CNTN5: variants seen among roughly 807,000 people sequenced by gnomAD.
The protein encoded by CNTN5 is contactin-5.
In CNTN5, 77 loss-of-function variants were observed where a neutral mutation model predicts 129.1. The ratio of observed to expected loss-of-function variants is 0.60; its 90% CI spans 0.50 to 0.72. The LOEUF is 0.72. CNTN5 is among the 30% of genes least tolerant of loss of function. The pLI is 0.00. For synonymous variants in CNTN5, 509 were observed against 465.6 expected (o/e 1.09, Z -1.20); for missense variants, 1,478 against 1,328.8 (o/e 1.11, Z -1.75).
intron 3 of CNTN5, among the ~76,000 whole-genome samples, chr11:99,768,863 A>G (rs1452892915): frequency 6.6e-6 from 1 of 152,120 alleles, no homozygotes; most frequent in East Asian, 1.9e-4. Flanking sequence ...GAAACTATGT[A>G]AATATTATGC....
intron 9 of CNTN5, among the ~76,000 whole-genome samples, chr11:100,053,047 A>T (rs1943035766): frequency 6.6e-6 from 1 of 151,714 alleles, no homozygotes; most frequent in African/African-American, 2.4e-5. Context: ...ATAAACAGCA[A>T]ATAAACTTAA....
intron 9 of CNTN5, among the ~76,000 whole-genome samples, chr11:100,042,448 A>G (rs1565819548): frequency 6.6e-6 from 1 of 152,126 alleles, no homozygotes; most frequent in Non-Finnish European, 1.5e-5. Flanking sequence ...TTCATATCTC[A>G]CTTGTGACTT....
intron 2 of CNTN5, among the ~76,000 whole-genome samples, chr11:99,475,465 C>T (rs376175115): frequency 6.6e-6 from 1 of 152,108 alleles, no homozygotes; most frequent in Non-Finnish European, 1.5e-5. Context: ...TATCTGAAAA[C>T]AGTCATTTAT....
At chr11:100,327,236 T>A (rs1951807645) in intron 21 of CNTN5, among the ~76,000 whole-genome samples, 1 of 152,204 alleles carries the variant, frequency 6.6e-6, no homozygotes, top group Non-Finnish European at 1.5e-5. Flanking sequence ...ATAGGACATT[T>A]TTGGTTTTTA....
chr11:99,122,741 TC>T (rs980139427), intron 1 of CNTN5, among the ~76,000 whole-genome samples: 14 of 152,026 alleles, frequency 9.2e-5, no homozygotes, highest in Non-Finnish European at 1.8e-4. Flanking sequence ...TGTCTTTTGT[TC>T]CCCTCTTTGT....
rs1174310738 is a variant in CNTN5 at position 100,287,045 on chromosome 11, A to T, written c.2315-10580A>T. Among the ~76,000 whole-genome samples, 8 of 152,142 alleles carry T rather than the reference A, an allele frequency of 5.3e-5. No individual in the cohort carries two copies. In the East Asian group the frequency reaches 1.5e-3, roughly 29 times the overall value. ...AATGAATGAAATGAAGCGAGAAGGG[A>T]AGTTTAGAGAAAAAAGAATAAAAAG... On this transcript the variant is annotated intron_variant, in intron 18 of 24. Coordinates refer to ENST00000524871, the MANE Select transcript of CNTN5 (RefSeq NM_014361.4).
intron 3 of CNTN5, among the ~76,000 whole-genome samples, chr11:99,631,215 C>G (rs1343414202): frequency 6.6e-6 from 1 of 151,996 alleles, no homozygotes; most frequent in African/African-American, 2.4e-5. Context: ...TACTAAATTT[C>G]TAGAAACATA....
intron 1 of CNTN5, among the ~76,000 whole-genome samples, chr11:99,068,650 G>T (rs184689540): frequency 1.6e-3 from 249 of 152,238 alleles, no homozygotes; most frequent in Non-Finnish European, 2.6e-3. Flanking sequence ...GAGCCCCAGA[G>T]AAATTTTACT....
intron 17 of CNTN5, among the ~76,000 whole-genome samples, 163 bp downstream of exon 17, chr11:100,256,081 G>A (rs529773445): frequency 1.3e-5 from 2 of 152,242 alleles, no homozygotes; most frequent in East Asian, 1.9e-4. Flanking sequence ...CCTGAGAAGA[G>A]CAAGGTACCT....
rs75787428 is a variant in CNTN5 at position 99,629,525 on chromosome 11, A to G, written c.55+73256A>G. ...TTGTTCCTAGTCTATACAGTTAAATAAGTATTAGCATATTAAGGGGATAAG... is the reference window on the plus strand; with the variant it reads ...TTGTTCCTAGTCTATACAGTTAAATGAGTATTAGCATATTAAGGGGATAAG... On this transcript the variant is annotated intron_variant, in intron 3 of 24. Coordinates refer to ENST00000524871, the MANE Select transcript of CNTN5 (RefSeq NM_014361.4). 6.0e-3 allele frequency among the ~76,000 whole-genome samples: 916 copies of G among 152,118 alleles called. 26 individuals carry two copies. In the East Asian group the frequency reaches 0.094, roughly 16 times the overall value.
intron 9 of CNTN5, among the ~76,000 whole-genome samples, chr11:100,032,784 T>G (rs1030434950): frequency 1.3e-5 from 2 of 152,072 alleles, no homozygotes; most frequent in African/African-American, 2.4e-5. Flanking sequence ...TACATAGTCT[T>G]TGAGTATAAA....
chr11:99,359,198 A>G (rs1017660631), intron 2 of CNTN5, among the ~76,000 whole-genome samples: 3 of 152,234 alleles, frequency 2.0e-5, no homozygotes, highest in African/African-American at 7.2e-5. Flanking sequence ...AATATTGATT[A>G]CACAATATTT....
At chr11:99,590,636 G>A (rs118066377) in intron 3 of CNTN5, among the ~76,000 whole-genome samples, 6,226 of 152,272 alleles carry the variant, frequency 0.041, 167 homozygotes, top group South Asian at 0.087. Context: ...CAGAGTCATG[G>A]CAAGAACATT....
intron 9 of CNTN5, among the ~76,000 whole-genome samples, chr11:100,056,736 T>C (rs1389752078): frequency 6.6e-6 from 1 of 151,468 alleles, no homozygotes; most frequent in African/African-American, 2.4e-5. Flanking sequence ...AGAGTAGTAG[T>C]TTTCTGGGGA....
At chr11:99,363,962 A>C (rs1257058920) in intron 2 of CNTN5, among the ~76,000 whole-genome samples, 2 of 152,140 alleles carry the variant, frequency 1.3e-5, no homozygotes, top group Non-Finnish European at 2.9e-5. Flanking sequence ...GTGTAATTAT[A>C]AAATAATTGG....
At chr11:99,840,200 A>C (rs528278165) in intron 4 of CNTN5, among the ~76,000 whole-genome samples, 1 of 152,256 alleles carries the variant, frequency 6.6e-6, no homozygotes, top group South Asian at 2.1e-4. Flanking sequence ...TCATTAGTTA[A>C]ATTAGTAGTG....
chr11:99,938,228 A>G (rs942602876), intron 7 of CNTN5, among the ~76,000 whole-genome samples: 2 of 152,064 alleles, frequency 1.3e-5, no homozygotes, highest in Non-Finnish European at 2.9e-5. Flanking sequence ...TATTTTAATT[A>G]CATTCTAGGA....
intron 13 of CNTN5, among the ~76,000 whole-genome samples, chr11:100,126,449 T>C (rs562216285): frequency 6.6e-6 from 1 of 152,292 alleles, no homozygotes; most frequent in Admixed American, 6.5e-5. Context: ...GTACTTGTTT[T>C]ATGAATCTGG....
intron 16 of CNTN5, among the ~76,000 whole-genome samples, chr11:100,230,329 C>G (rs1949463044): frequency 6.6e-6 from 1 of 152,252 alleles, no homozygotes; most frequent in South Asian, 2.1e-4. Flanking sequence ...ATACCAATCA[C>G]TTTTCTATCT....
Sources: gnomAD v4.1 joint callset for allele counts (sites outside exome capture counted in the v4.1 genomes callset) on GRCh38, gnomAD v4.1.1 for gene constraint, MANE v1.5 for transcripts, NCBI Gene and HGNC (gene_info 2026-07-23, HGNC 2026-07-21) for gene names.